The following TMPRSS15 variants were observed in gnomAD, a reference collection of about 807,000 sequenced individuals.
TMPRSS15 encodes the protein enteropeptidase.
A neutral mutation model predicts 125.3 loss-of-function variants in TMPRSS15; 128 were observed. The ratio of observed to expected loss-of-function variants is 1.02; its 90% CI spans 0.89 to 1.18. The LOEUF (loss-of-function observed/expected upper bound fraction) is 1.18, where lower values mean the gene tolerates loss of function less well. TMPRSS15 is among the 50% of genes most tolerant of loss of function. The pLI, the probability that TMPRSS15 is intolerant of heterozygous loss-of-function variation, is 0.00. For synonymous variants in TMPRSS15, 446 were observed against 423.2 expected (o/e 1.05, Z -0.66); for missense variants, 1,283 against 1,212.7 (o/e 1.06, Z -0.86).
intron 1 of TMPRSS15, among the ~76,000 whole-genome samples, chr21:18,401,331 G>T (rs917360017): frequency 6.6e-6 from 1 of 152,120 alleles, no homozygotes; most frequent in Non-Finnish European, 1.5e-5. Flanking sequence ...ACTCAACCTA[G>T]GTGCCCATCA....
intron 7 of TMPRSS15, among the ~76,000 whole-genome samples, chr21:18,362,176 C>G (rs1048704320): frequency 1.3e-4 from 20 of 152,212 alleles, no homozygotes; most frequent in African/African-American, 4.6e-4. Context: ...AAGTTTGAAG[C>G]TGTTTAAATT....
intron 1 of TMPRSS15, among the ~76,000 whole-genome samples, chr21:18,476,194 A>G (rs1428164861): frequency 2.0e-5 from 3 of 152,180 alleles, no homozygotes; most frequent in African/African-American, 4.8e-5. Context: ...ATTCTTCTCT[A>G]TTAAACAGCT....
intron 1 of TMPRSS15, among the ~76,000 whole-genome samples, chr21:18,430,924 C>A (rs560664087): frequency 6.6e-6 from 1 of 152,112 alleles, no homozygotes; most frequent in Non-Finnish European, 1.5e-5. Context: ...AATTATACAG[C>A]TTTTGTGACA....
upstream of TMPRSS15, among the ~76,000 whole-genome samples, chr21:18,407,225 A>G (rs1484015469): frequency 6.6e-6 from 1 of 152,114 alleles, no homozygotes; most frequent in East Asian, 1.9e-4. Context: ...ACTTCTGTTA[A>G]AATATTTGAA....
chr21:18,422,661 G>A (rs921135486), intron 1 of TMPRSS15, among the ~76,000 whole-genome samples: 1 of 152,182 alleles, frequency 6.6e-6, no homozygotes, highest in Non-Finnish European at 1.5e-5. Context: ...GAGGCACAAA[G>A]CATTTAAATA....
chr21:18,281,805 TA>T (rs2074701540), intron 21 of TMPRSS15, among the ~76,000 whole-genome samples: 2 of 151,940 alleles, frequency 1.3e-5, no homozygotes, highest in Non-Finnish European at 2.9e-5. Context: ...CACATATAGT[TA>T]AAGTAAACAA....
At chr21:18,351,678 T>C (rs2075570867) in intron 10 of TMPRSS15, among the ~76,000 whole-genome samples, 1 of 152,170 alleles carries the variant, frequency 6.6e-6, no homozygotes, top group Non-Finnish European at 1.5e-5. Flanking sequence ...ACCTCTTTCC[T>C]TTATAAATTA....
intron 12 of TMPRSS15, among the ~76,000 whole-genome samples, chr21:18,342,610 G>T (rs1400624504): frequency 2.6e-5 from 4 of 152,156 alleles, no homozygotes; most frequent in African/African-American, 9.7e-5. Context: ...CCCTTCTGCT[G>T]TCTCTTTTCT....
At chr21:18,341,194 T>C (rs1490186193) in intron 13 of TMPRSS15, among the ~76,000 whole-genome samples, 4 of 152,126 alleles carry the variant, frequency 2.6e-5, no homozygotes, top group Admixed American at 2.6e-4. Flanking sequence ...CTCCGGTAGC[T>C]GGGACTACAG....
At chr21:18,351,630 G>T (rs1041432388) in intron 10 of TMPRSS15, among the ~76,000 whole-genome samples, 3 of 152,156 alleles carry the variant, frequency 2.0e-5, no homozygotes, top group Non-Finnish European at 4.4e-5. Flanking sequence ...TAAGTGTCCT[G>T]AGACCTCCCC....
At chr21:18,473,105 A>T (rs1978811979) in intron 1 of TMPRSS15, among the ~76,000 whole-genome samples, 1 of 152,118 alleles carries the variant, frequency 6.6e-6, no homozygotes, top group South Asian at 2.1e-4. Context: ...AAATGCAATA[A>T]CAAAGCACCC....
chr21:18,353,997 A>C (rs1482990557), intron 8 of TMPRSS15, 134 bp from the exon 9 acceptor site: 2 of 734,134 alleles, frequency 2.7e-6, no homozygotes, highest in Non-Finnish European at 4.5e-6. Flanking sequence ...CCACTTAGTT[A>C]ACTAAAAGCA....
chr21:18,467,312 T>C (rs970743500), intron 1 of TMPRSS15, among the ~76,000 whole-genome samples: 3 of 151,848 alleles, frequency 2.0e-5, no homozygotes, highest in Non-Finnish European at 2.9e-5. Flanking sequence ...ATGTAGATGA[T>C]GGGTTGATGG....
chr21:18,461,253 T>A (rs1978545638), intron 1 of TMPRSS15, among the ~76,000 whole-genome samples: 1 of 152,150 alleles, frequency 6.6e-6, no homozygotes, highest in South Asian at 2.1e-4. Context: ...CTTCCTTAAT[T>A]TCTGTTTTTC....
intron 6 of TMPRSS15, among the ~76,000 whole-genome samples, chr21:18,365,699 C>T (rs2075728423): frequency 7.8e-6 from 1 of 127,536 alleles, no homozygotes; most frequent in African/African-American, 3.3e-5. Flanking sequence ...TCCTTCCTTC[C>T]TACCTTCTCT....
At chr21:18,467,901 A>C (rs1978699169) in intron 1 of TMPRSS15, among the ~76,000 whole-genome samples, 1 of 152,128 alleles carries the variant, frequency 6.6e-6, no homozygotes, top group African/African-American at 2.4e-5. Context: ...AAAGTATGTC[A>C]AAAAGTGTAT....
At chr21:18,459,621 T>C (rs1978513956) in intron 1 of TMPRSS15, among the ~76,000 whole-genome samples, 1 of 152,204 alleles carries the variant, frequency 6.6e-6, no homozygotes. Flanking sequence ...AATGCATATG[T>C]CTAATAATTA....
chr21:18,303,029 A>T (rs1339747904), intron 18 of TMPRSS15, among the ~76,000 whole-genome samples: 1 of 152,162 alleles, frequency 6.6e-6, no homozygotes, highest in African/African-American at 2.4e-5. Context: ...TTTCCTTTAG[A>T]ATTTAGTGTC....
intron 3 of TMPRSS15, among the ~76,000 whole-genome samples, chr21:18,384,842 C>T (rs927508783): frequency 5.9e-5 from 9 of 152,094 alleles, no homozygotes; most frequent in African/African-American, 1.9e-4. Flanking sequence ...AGGATTTTCT[C>T]AAGTCCAGTA....
Sources: allele counts gnomAD v4.1 joint callset (sites outside exome capture counted in the v4.1 genomes callset), GRCh38; gene constraint gnomAD v4.1.1; transcripts MANE v1.5; gene names NCBI Gene and HGNC (gene_info 2026-07-23, HGNC 2026-07-21).